POLA1: variants seen among roughly 807,000 people sequenced by gnomAD.
The protein encoded by POLA1 is DNA polymerase alpha 1, catalytic subunit, also known as DNA polymerase alpha catalytic subunit.
In POLA1, 15 loss-of-function variants were observed where a neutral mutation model predicts 124.0. That is an observed-to-expected ratio of 0.12 (90% CI 0.08 to 0.19). POLA1 has a LOEUF of 0.19. Ranked by LOEUF, POLA1 falls within the 10% of genes least tolerant of loss-of-function variation. The pLI is 1.00. For missense variants in POLA1, 886 were observed against 1,103.4 expected, an observed-to-expected ratio of 0.80 and a Z score of 2.79; for synonymous variants, 408 against 389.4, an observed-to-expected ratio of 1.05 and a Z score of -0.56.
chrX:24,728,053 A>T, intron 15 of POLA1, 117 bp downstream of exon 15: 1 of 504,712 alleles, frequency 2.0e-6, no homozygotes. Context: ...ATACTAATTC[A>T]CTACTAAACT....
intron 34 of POLA1, among the ~76,000 whole-genome samples, chrX:24,869,048 C>G (rs1005894617): frequency 1.8e-5 from 2 of 111,911 alleles, no homozygotes; most frequent in Non-Finnish European, 3.8e-5. Flanking sequence ...AACCTCCCAA[C>G]TCCGCCTCTC....
intron 30 of POLA1, among the ~76,000 whole-genome samples, chrX:24,815,682 AT>A (rs1174855982): frequency 1.8e-5 from 2 of 112,033 alleles, no homozygotes; most frequent in African/African-American, 6.5e-5. Flanking sequence ...TTACAAATTT[AT>A]TCCCATTTTA....
chrX:24,726,026 A>G lies in POLA1; in HGVS notation c.1363A>G (p.Lys455Glu), dbSNP rs1021318593. 1.7e-6 allele frequency: 2 copies of G among 1,172,387 alleles called. No homozygotes were observed. The highest frequency in any genetic ancestry group is 1.2e-6 in the Non-Finnish European group (1 of 861,034). The change falls in exon 13 of 37, where the codon AAA becomes GAA. Residue 455 changes from lysine (K) to glutamate (E), a missense_variant. By Grantham distance (56) the Lys-to-Glu change is moderately conservative. Around this residue, in one of 7 missense-constraint regions of POLA1, gnomAD observed 337 missense variants for 402.8 expected, o/e 0.84. Coordinates refer to ENST00000379068, the MANE Select transcript of POLA1 (RefSeq NM_001330360.2). ...TTTTGAGATACCTGATGTTCCAGAA[A>G]AATCTGAGTACTTGGAAGTTAAATA... The part of the protein sequence containing the change: ...YAFEIPDVPE[K>E]SEYLEVKYSA...
chrX:24,854,637 G>A (rs772273261), intron 34 of POLA1, among the ~76,000 whole-genome samples: 1 of 110,619 alleles, frequency 9.0e-6, no homozygotes, highest in East Asian at 2.9e-4. Context: ...GAAGACCAGT[G>A]TGGCCAACAT....
chrX:24,802,881 C>T (rs2045739653), intron 26 of POLA1, among the ~76,000 whole-genome samples: 1 of 111,455 alleles, frequency 9.0e-6, no homozygotes, highest in Non-Finnish European at 1.9e-5. Context: ...GCCTGTAATA[C>T]CAGCTACTCG....
At chrX:24,797,329 C>CAAA (rs2045625794) in intron 26 of POLA1, among the ~76,000 whole-genome samples, 1 of 110,284 alleles carries the variant, frequency 9.1e-6, no homozygotes, top group African/African-American at 3.3e-5. Context: ...TTTTTTTACT[C>CAAA]ACCATTCAGC....
intron 36 of POLA1, among the ~76,000 whole-genome samples, chrX:24,990,659 T>C (rs1396026750): frequency 8.9e-6 from 1 of 112,773 alleles, no homozygotes; most frequent in African/African-American, 3.2e-5. Flanking sequence ...GCTCACTTAA[T>C]TACATGCTTG....
intron 4 of POLA1, among the ~76,000 whole-genome samples, chrX:24,704,736 G>A (rs1377861185): frequency 8.9e-6 from 1 of 111,822 alleles, no homozygotes; most frequent in Non-Finnish European, 1.9e-5. Context: ...TTTCAATCCC[G>A]TGGTCATTTA....
chrX:24,985,967 T>G (rs1324197013), intron 36 of POLA1, among the ~76,000 whole-genome samples: 3 of 109,128 alleles, frequency 2.7e-5, no homozygotes, highest in Non-Finnish European at 5.7e-5. Flanking sequence ...AGGTCAGGAG[T>G]TCAAGACCAG....
chrX:24,781,742 C>T (rs775321085), intron 26 of POLA1, among the ~76,000 whole-genome samples: 7 of 111,330 alleles, frequency 6.3e-5, no homozygotes, highest in African/African-American at 2.3e-4. Context: ...AGAAGATGAC[C>T]TTTTAGGCCT....
chrX:24,929,444 G>A (rs1479185529), intron 35 of POLA1, among the ~76,000 whole-genome samples: 2 of 111,803 alleles, frequency 1.8e-5, no homozygotes, highest in African/African-American at 6.5e-5. Context: ...GGAGAAACTG[G>A]TAACATGTTT....
At chrX:24,975,256 C>T (rs376812144) in intron 36 of POLA1, among the ~76,000 whole-genome samples, 16 of 112,445 alleles carry the variant, frequency 1.4e-4, no homozygotes, top group African/African-American at 5.2e-4. Context: ...GTGATCCATC[C>T]GCCTTGGCCT....
intron 6 of POLA1, among the ~76,000 whole-genome samples, chrX:24,715,579 C>G (rs994674914): frequency 3.6e-4 from 40 of 112,320 alleles, no homozygotes; most frequent in African/African-American, 1.2e-3. Flanking sequence ...CAGGCGTGAG[C>G]CACTGTGCCC....
intron 32 of POLA1, among the ~76,000 whole-genome samples, chrX:24,828,589 C>A (rs1036708089): frequency 8.9e-6 from 1 of 111,962 alleles, no homozygotes; most frequent in Non-Finnish European, 1.9e-5. Context: ...TGAGTAAAAC[C>A]ATTTTTTAAA....
intron 26 of POLA1, among the ~76,000 whole-genome samples, chrX:24,790,905 GTATATGTATA>G (rs1462738284): frequency 7.9e-5 from 5 of 63,552 alleles, no homozygotes; most frequent in African/African-American, 3.4e-4. Flanking sequence ...ATTTATTTAT[GTATATGTATA>G]TATATATATA....
chrX:24,726,037 CT>C lies in POLA1; in HGVS notation c.1376del (p.Leu459TrpfsTer16). On this transcript the variant is annotated frameshift_variant, in exon 13 of 37. Coordinates refer to ENST00000379068, the MANE Select transcript of POLA1 (RefSeq NM_001330360.2). LOFTEE classifies it high-confidence loss of function. The stretch of plus-strand genomic sequence containing the variant: ...CTGATGTTCCAGAAAAATCTGAGTA[CT>C]TGGAAGTTAAATACTCGGTAAGTCA... ...IPDVPEKSEY[L>X]EVKYSAEMPQ... The C allele has an allele frequency of 8.7e-7, 1 of 1,150,846 alleles. No homozygotes were observed. Among genetic ancestry groups the C allele is most frequent in the Non-Finnish European group, 1.2e-6 (1 of 842,664 alleles). The allele number at this position is 1,150,846 out of a possible 1,213,427, so 94.8% of individuals were successfully genotyped here. A position where few individuals can be genotyped will look rare whatever the true frequency, so the allele number is the denominator to read the frequency against.
chrX:24,854,553 G>A (rs920389667), intron 34 of POLA1, among the ~76,000 whole-genome samples: 2 of 111,477 alleles, frequency 1.8e-5, no homozygotes, highest in Non-Finnish European at 3.8e-5. Flanking sequence ...ACCCCAGGCC[G>A]GGTGTGGTGG....
intron 35 of POLA1, among the ~76,000 whole-genome samples, chrX:24,903,953 T>A (rs1275311500): frequency 9.4e-6 from 1 of 106,017 alleles, no homozygotes; most frequent in Non-Finnish European, 1.9e-5. Flanking sequence ...TTTTTTTTTT[T>A]AAGACCGGTT....
At chrX:24,771,784 T>C (rs1569303658) in intron 26 of POLA1, among the ~76,000 whole-genome samples, 1 of 111,941 alleles carries the variant, frequency 8.9e-6, no homozygotes, top group Non-Finnish European at 1.9e-5. Context: ...AAAGTGCTAG[T>C]TTTAAAAGTT....
Sources: gnomAD v4.1 joint callset for allele counts (sites outside exome capture counted in the v4.1 genomes callset) on GRCh38, gnomAD v4.1.1 for gene constraint, gnomAD v4.1.1 regional missense constraint, MANE v1.5 for transcripts, NCBI Gene and HGNC (gene_info 2026-07-23, HGNC 2026-07-21) for gene names.